Variants in DPH6 observed in about 807,000 individuals in gnomAD.
DPH6 encodes diphthine--ammonia ligase.
A neutral mutation model predicts 38.2 loss-of-function variants in DPH6; 33 were observed. The ratio of observed to expected loss-of-function variants is 0.86; its 90% CI spans 0.65 to 1.15. DPH6 has a LOEUF of 1.15. Among genes scored for constraint, DPH6 ranks in the 50% most tolerant of loss-of-function variants. The probability of loss-of-function intolerance (pLI) is 0.00; values close to 1 mark genes in which losing one functional copy is unlikely to be tolerated. For synonymous variants in DPH6, 108 were observed against 103.0 expected (o/e 1.05, Z -0.30); for missense variants, 325 against 320.0 (o/e 1.02, Z -0.12).
chr15:35,455,934 C>G (rs1175307677), intron 3 of DPH6, among the ~76,000 whole-genome samples: 1 of 152,098 alleles, frequency 6.6e-6, no homozygotes, highest in Non-Finnish European at 1.5e-5. Context: ...ACTGAAATAA[C>G]CCTGTGTACC....
intron 6 of DPH6, among the ~76,000 whole-genome samples, chr15:35,403,563 T>C (rs2053250253): frequency 6.6e-6 from 1 of 152,022 alleles, no homozygotes; most frequent in African/African-American, 2.4e-5. Flanking sequence ...CAGGGTGGAG[T>C]ATGGTGACAC....
chr15:35,400,920 C>G (rs2053209045), intron 6 of DPH6: 1 of 1,037,434 alleles, frequency 9.6e-7, no homozygotes, highest in Admixed American at 1.7e-5. Context: ...CAAGGCCACA[C>G]AAGGTGGATG....
At chr15:35,507,977 C>A (rs1334100368) in intron 3 of DPH6, among the ~76,000 whole-genome samples, 1 of 151,916 alleles carries the variant, frequency 6.6e-6, no homozygotes, top group Non-Finnish European at 1.5e-5. Flanking sequence ...GTATACACTC[C>A]GATTTTGTTA....
rs1210617292 is a variant in DPH6, at chr15:35,227,472, C to T, written n.201-6890G>A. 4.6e-5 allele frequency among the ~76,000 whole-genome samples: 7 copies of T among 151,988 alleles called. No individual in the cohort carries two copies. The East Asian group carries it at 7.7e-4, about 17-fold the overall frequency. On this transcript the variant is annotated intron_variant and non_coding_transcript_variant, in intron 3 of 3. Transcript: ENST00000560386. ...TGCTGGGATTACAGGTGTGAGCCAC[C>T]GTGCCTGGCCTAACATCTTCTTTTT...
At chr15:35,341,068 A>C (rs577217330) in intron 3 of DPH6, among the ~76,000 whole-genome samples, 1 of 151,976 alleles carries the variant, frequency 6.6e-6, no homozygotes, top group Non-Finnish European at 1.5e-5. Context: ...GGTTTTGTTC[A>C]TTCCTTTTTA....
rs905607022 is a variant in DPH6 at position 35,370,932 on chromosome 15, C to T, written c.*1218G>A. 1 of 151,486 alleles carries T rather than the reference C, an allele frequency of 6.6e-6. No homozygotes were observed. The highest frequency in any genetic ancestry group is 2.4e-5 in the African/African-American group (1 of 41,292). 9.4% of individuals were successfully genotyped at this position (151,486 alleles called of 1,614,324 possible). A position where few individuals can be genotyped will look rare whatever the true frequency, so the allele number is the denominator to read the frequency against. On this transcript the variant is annotated 3_prime_UTR_variant, in exon 9 of 9. Transcript: ENST00000256538. ...CATAATCGCCAAAACATGGAAGCAA[C>T]TGAGATGTTCTTCAATAGGTGCATG...
At chr15:35,292,139 A>C (rs1357655604) in intron 3 of DPH6, among the ~76,000 whole-genome samples, 1 of 152,206 alleles carries the variant, frequency 6.6e-6, no homozygotes, top group Non-Finnish European at 1.5e-5. Flanking sequence ...AATCTCAAAA[A>C]GCATTCTCAT....
intron 3 of DPH6, among the ~76,000 whole-genome samples, chr15:35,455,577 T>C (rs1394093696): frequency 6.6e-6 from 1 of 152,186 alleles, no homozygotes; most frequent in Non-Finnish European, 1.5e-5. Flanking sequence ...GGATGGATTA[T>C]GGACAACATG....
At position 35,270,419 on chromosome 15, in the gene DPH6, C is replaced by T. The variant is rs146597274; in HGVS notation, n.201-49837G>A. 4.3e-3 allele frequency among the ~76,000 whole-genome samples: 660 copies of T among 152,176 alleles called. 4 individuals carry two copies. Among genetic ancestry groups the T allele is most frequent in the African/African-American group, 0.015 (632 of 41,506 alleles). On this transcript the variant is annotated intron_variant and non_coding_transcript_variant, in intron 3 of 3. Transcript: ENST00000560386. ...GAGATAATTTTGATGGTAAATAGAA[C>T]CATCTGGGCTTTGGTTCTCAAATTT... is the stretch of plus-strand genomic sequence containing the variant.
chr15:35,303,152 C>G (rs2052065540), intron 3 of DPH6, among the ~76,000 whole-genome samples: 1 of 152,004 alleles, frequency 6.6e-6, no homozygotes, highest in South Asian at 2.1e-4. Context: ...GAAAATAAAG[C>G]ACTCCCTGAC....
intron 3 of DPH6, among the ~76,000 whole-genome samples, chr15:35,534,667 A>G (rs914498157): frequency 6.6e-5 from 10 of 152,144 alleles, no homozygotes; most frequent in African/African-American, 2.2e-4. Context: ...ATAAAGATAC[A>G]TGAAGATTCA....
rs560615331 is a variant in DPH6, at chr15:35,463,532, T to C, written c.313-8712A>G. Among the ~76,000 whole-genome samples, 8 of 152,192 alleles carry C rather than the reference T, an allele frequency of 5.3e-5. No individual in the cohort carries two copies. In the South Asian group the frequency reaches 1.0e-3, roughly 20 times the overall value. ...TTAAAAGACATATTTTCAAAGGACA[T>C]GAAATACAAGGAACTACTAATGATA... On this transcript the variant is annotated intron_variant, in intron 3 of 8. Transcript: ENST00000256538.
At chr15:35,203,295 T>G in the DPH6 span, among the ~76,000 whole-genome samples, 1 of 151,658 alleles carries the variant, frequency 6.6e-6, no homozygotes, top group African/African-American at 2.4e-5. Context: ...TTTCATTGGA[T>G]TCACAAAAAT....
At chr15:35,462,085 C>T (rs530347911) in intron 3 of DPH6, among the ~76,000 whole-genome samples, 8 of 152,226 alleles carry the variant, frequency 5.3e-5, no homozygotes, top group African/African-American at 1.7e-4. Context: ...TTCTTTATGA[C>T]GTGCATCCTA....
chr15:35,169,920 A>T, the DPH6 span, among the ~76,000 whole-genome samples: 1 of 152,234 alleles, frequency 6.6e-6, no homozygotes, highest in East Asian at 1.9e-4. Context: ...TATCTGATGT[A>T]GGAAATGCAT....
At chr15:35,204,426 A>T in the DPH6 span, among the ~76,000 whole-genome samples, 1 of 151,946 alleles carries the variant, frequency 6.6e-6, no homozygotes, top group South Asian at 2.1e-4. Flanking sequence ...AATATAAAGA[A>T]AATTTGCTTT....
intron 6 of DPH6, among the ~76,000 whole-genome samples, chr15:35,402,885 T>TAACTTATA (rs1227737950): frequency 6.6e-6 from 1 of 152,070 alleles, no homozygotes; most frequent in Non-Finnish European, 1.5e-5. Flanking sequence ...CAACAACAGA[T>TAACTTATA]AACTTATAAT....
At chr15:35,320,382 T>G (rs1052918030) in intron 3 of DPH6, among the ~76,000 whole-genome samples, 1 of 152,198 alleles carries the variant, frequency 6.6e-6, no homozygotes, top group South Asian at 2.1e-4. Flanking sequence ...GTTGGATATC[T>G]TTTGAGTGTA....
At chr15:35,265,005 T>C (rs1339076203) in intron 3 of DPH6, among the ~76,000 whole-genome samples, 3 of 152,162 alleles carry the variant, frequency 2.0e-5, no homozygotes, top group African/African-American at 7.2e-5. Context: ...TACACTCCGA[T>C]GTTCATAATT....
Sources: gnomAD v4.1 joint callset for allele counts (sites outside exome capture counted in the v4.1 genomes callset) on GRCh38, gnomAD v4.1.1 for gene constraint, MANE v1.5 for transcripts, NCBI Gene and HGNC (gene_info 2026-07-23, HGNC 2026-07-21) for gene names.